Variants in PARD3B observed in about 807,000 individuals in gnomAD.
PARD3B encodes partitioning defective 3 homolog B.
Under a neutral mutation model 130.2 loss-of-function variants are expected in PARD3B, and 103 were observed. That is an observed-to-expected ratio of 0.79 (90% CI 0.67 to 0.93). The LOEUF is 0.93. Ranked by LOEUF, PARD3B falls within the 40% of genes least tolerant of loss-of-function variation. The pLI is 0.00. For missense variants in PARD3B, 1,609 were observed against 1,499.2 expected, an observed-to-expected ratio of 1.07 and a Z score of -1.21; for synonymous variants, 583 against 553.2, an observed-to-expected ratio of 1.05 and a Z score of -0.76.
At chr2:205,489,493 GTGTGTA>G (rs1420571640) in intron 20 of PARD3B, among the ~76,000 whole-genome samples, 4 of 70,196 alleles carry the variant, frequency 5.7e-5, no homozygotes, top group African/African-American at 1.5e-4. Flanking sequence ...ACATATATAT[GTGTGTA>G]TATATATATA....
intron 2 of PARD3B, among the ~76,000 whole-genome samples, chr2:204,710,668 G>A (rs2038390571): frequency 6.6e-6 from 1 of 152,124 alleles, no homozygotes. Flanking sequence ...CTGCTTCATT[G>A]ATTCTCAATT....
chr2:204,793,363 ATGTTT>A (rs1019273352), intron 2 of PARD3B, among the ~76,000 whole-genome samples: 2 of 151,922 alleles, frequency 1.3e-5, no homozygotes, highest in African/African-American at 2.4e-5. Context: ...TTAGTTATAC[ATGTTT>A]TGTTTTGTTT....
At chr2:204,681,023 A>G (rs1407083900) in intron 1 of PARD3B, among the ~76,000 whole-genome samples, 3 of 152,002 alleles carry the variant, frequency 2.0e-5, no homozygotes, top group African/African-American at 7.2e-5. Context: ...TTTGTTTCCT[A>G]TCAAGTCTCC....
intron 22 of PARD3B, among the ~76,000 whole-genome samples, chr2:205,556,665 G>A (rs960229543): frequency 4.6e-5 from 7 of 152,158 alleles, no homozygotes; most frequent in Non-Finnish European, 1.0e-4. Flanking sequence ...TTTGGAAAGC[G>A]GAGTGTGGTT....
At chr2:204,922,682 GTTTT>G (rs35206495) in intron 2 of PARD3B, among the ~76,000 whole-genome samples, 58 of 148,780 alleles carry the variant, frequency 3.9e-4, no homozygotes, top group African/African-American at 1.3e-3. Flanking sequence ...AAAAAATACA[GTTTT>G]TTTTTTTCCT....
At chr2:205,465,627 C>A (rs1382898071) in intron 20 of PARD3B, among the ~76,000 whole-genome samples, 1 of 152,102 alleles carries the variant, frequency 6.6e-6, no homozygotes, top group Non-Finnish European at 1.5e-5. Flanking sequence ...AGTTGAGTGG[C>A]AAATACATTC....
At position 204,780,880 on chromosome 2, in the gene PARD3B, GA is replaced by G. The variant is rs368767363; in HGVS notation, c.222+94609del. ...TGAGAAGTTCCATCTGAGCCAGAAA[GA>G]AAAAAAAAAAGATATGTCATTGCAC... On this transcript the variant is annotated intron_variant, in intron 2 of 22. Transcript: ENST00000406610. Among the ~76,000 whole-genome samples the G allele has an allele frequency of 8.1e-3, 1,167 of 143,574 alleles. 12 individuals are homozygous for G. Among genetic ancestry groups the G allele is most frequent in the African/African-American group, 0.027 (1,062 of 39,394 alleles). 94.2% of individuals were successfully genotyped at this position (143,574 alleles called of 152,430 possible).
chr2:204,808,308 C>G (rs1261109954), intron 2 of PARD3B, among the ~76,000 whole-genome samples: 1 of 151,986 alleles, frequency 6.6e-6, no homozygotes, highest in Non-Finnish European at 1.5e-5. Flanking sequence ...TTGCATATAT[C>G]TATTTGTACT....
chr2:205,002,871 A>G (rs537151748), intron 3 of PARD3B, among the ~76,000 whole-genome samples: 2 of 152,282 alleles, frequency 1.3e-5, no homozygotes, highest in East Asian at 3.9e-4. Context: ...ATTGTCTTAC[A>G]TTTCTGGAGT....
intron 19 of PARD3B, among the ~76,000 whole-genome samples, chr2:205,437,777 C>A (rs537648900): frequency 6.6e-6 from 1 of 152,078 alleles, no homozygotes; most frequent in Non-Finnish European, 1.5e-5. Flanking sequence ...GAGATTTAAA[C>A]AATTCAAACG....
intron 19 of PARD3B, among the ~76,000 whole-genome samples, chr2:205,436,689 C>G (rs2047528870): frequency 6.6e-6 from 1 of 151,954 alleles, no homozygotes; most frequent in African/African-American, 2.4e-5. Context: ...TCAAAATACC[C>G]TTTTGCCAGA....
intron 19 of PARD3B, among the ~76,000 whole-genome samples, chr2:205,431,128 G>A (rs2047317364): frequency 6.6e-6 from 1 of 152,108 alleles, no homozygotes; most frequent in Non-Finnish European, 1.5e-5. Context: ...CCCAGGCTGG[G>A]TGCAATGGCA....
chr2:204,799,164 C>T lies in PARD3B; in HGVS notation c.222+112882C>T, dbSNP rs2042477314. On this transcript the variant is annotated intron_variant, in intron 2 of 22. Coordinates refer to ENST00000406610, the MANE Select transcript of PARD3B (RefSeq NM_001302769.2). The surrounding 1 kb of genome is among the most constrained non-coding windows in gnomAD (Gnocchi z 4.1). ...CTACCCTGAAGGGAGAGACCCAGAC[C>T]TGGAAGCATTCACCACAAGCTGCCT... Among the ~76,000 whole-genome samples the T allele has an allele frequency of 6.6e-6, 1 of 152,056 alleles. No homozygotes were observed. The highest frequency in any genetic ancestry group is 6.6e-5 in the Admixed American group (1 of 15,258).
At chr2:204,695,680 G>T in intron 2 of PARD3B, among the ~76,000 whole-genome samples, 1 of 152,082 alleles carries the variant, frequency 6.6e-6, no homozygotes, top group East Asian at 1.9e-4. Flanking sequence ...TTCTTTCCTC[G>T]TGTAGCAGCA....
chr2:205,394,284 T>C (rs1366825772), intron 18 of PARD3B, among the ~76,000 whole-genome samples: 5 of 152,170 alleles, frequency 3.3e-5, no homozygotes, highest in African/African-American at 1.2e-4. Flanking sequence ...TAATTCAATC[T>C]TTGATTTCTT....
chr2:204,771,098 C>T (rs1025360295), intron 2 of PARD3B, among the ~76,000 whole-genome samples: 2 of 152,080 alleles, frequency 1.3e-5, no homozygotes, highest in Non-Finnish European at 2.9e-5. Context: ...TCAGAGCAGG[C>T]ATGTGTGCAT....
intron 2 of PARD3B, among the ~76,000 whole-genome samples, chr2:204,957,779 C>G (rs1354036409): frequency 1.3e-5 from 2 of 152,072 alleles, no homozygotes; most frequent in Admixed American, 1.3e-4. Context: ...AGTTTCACTC[C>G]CTTCCCAAAG....
intron 2 of PARD3B, among the ~76,000 whole-genome samples, chr2:204,924,116 T>G (rs896956386): frequency 6.6e-6 from 1 of 152,048 alleles, no homozygotes; most frequent in African/African-American, 2.4e-5. Flanking sequence ...ATGAGTCTTG[T>G]TTTGAAACAG....
rs1032723690 is a variant in PARD3B at position 205,265,820 on chromosome 2, C to T, written c.2185+19998C>T. On this transcript the variant is annotated intron_variant, in intron 16 of 22. Transcript: ENST00000406610. This position sits in a 1 kb window ranked among gnomAD's most constrained non-coding sequence, Gnocchi z 4.3. ...TTTCAGAGATGAATTTTATCAAATACATATTTTTAAATTAAATGGGCTATC... is the reference window on the plus strand; with the variant it reads ...TTTCAGAGATGAATTTTATCAAATATATATTTTTAAATTAAATGGGCTATC... 3.3e-5 allele frequency among the ~76,000 whole-genome samples: 5 copies of T among 151,924 alleles called. No individual in the cohort carries two copies. The highest frequency in any genetic ancestry group is 1.2e-4 in the African/African-American group (5 of 41,392).
Sources: gnomAD v4.1 joint callset for allele counts (sites outside exome capture counted in the v4.1 genomes callset) on GRCh38, gnomAD v4.1.1 for gene constraint, Gnocchi (gnomAD v3.1) non-coding constraint, MANE v1.5 for transcripts, NCBI Gene and HGNC (gene_info 2026-07-23, HGNC 2026-07-21) for gene names.